Variants in COL24A1 observed in about 807,000 individuals in gnomAD.
COL24A1 encodes collagen type XXIV alpha 1 chain.
Under a neutral mutation model 253.9 loss-of-function variants are expected in COL24A1, and 224 were observed. The observed-to-expected ratio is 0.88, with a 90% CI of 0.79 to 0.99. The LOEUF is 0.99. Among genes scored for constraint, COL24A1 ranks in the 50% least tolerant of loss-of-function variants. The pLI is 0.00. For synonymous variants in COL24A1, 685 were observed against 673.7 expected (o/e 1.02, Z -0.26); for missense variants, 2,131 against 2,068.5 (o/e 1.03, Z -0.59).
At chr1:86,067,118 G>T (rs1701551186) in intron 7 of COL24A1, among the ~76,000 whole-genome samples, 1 of 151,098 alleles carries the variant, frequency 6.6e-6, no homozygotes, top group African/African-American at 2.4e-5. Context: ...TAGCCTGGGT[G>T]ACAGAGCAAG....
rs1171232194 is a variant in COL24A1 at position 85,823,557 on chromosome 1, T to C, written c.3768A>G (p.Leu1256=). The part of the protein sequence containing the change: ...GEPGDQGEQG[L]KGERGSEGNK... ...TTACTTCAGATCCTCTCTCTCCTTT[T>C]AGTCCTTGTTCACCCTGGTCACCTG... Residue 1256 remains leucine (L), a synonymous_variant, in exon 45 of 60, where the codon CTA becomes CTG. Transcript: ENST00000370571. The C allele has an allele frequency of 1.9e-6, 3 of 1,614,012 alleles. No individual in the cohort carries two copies. The highest frequency in any genetic ancestry group is 1.1e-5 in the South Asian group (1 of 91,076).
chr1:85,865,427 G>A (rs1679674072), intron 37 of COL24A1, among the ~76,000 whole-genome samples: 1 of 152,062 alleles, frequency 6.6e-6, no homozygotes, highest in African/African-American at 2.4e-5. Context: ...ACACACATGT[G>A]GTGTTACTAA....
At chr1:85,941,409 T>C (rs1019858249) in intron 24 of COL24A1, among the ~76,000 whole-genome samples, 1 of 152,110 alleles carries the variant, frequency 6.6e-6, no homozygotes, top group Admixed American at 6.5e-5. Context: ...TCTAAAGACA[T>C]GAATTCCAGC....
At chr1:85,798,287 G>A (rs432168) in intron 47 of COL24A1, among the ~76,000 whole-genome samples, 119,531 of 151,350 alleles carry the variant, frequency 0.79, 48,545 homozygotes, top group Non-Finnish European at 0.89. Context: ...CAGATATTTC[G>A]TTTTGTTGCC....
intron 28 of COL24A1, 147 bp from the exon 29 acceptor site, chr1:85,896,556 C>T (rs373947162): frequency 8.3e-5 from 52 of 627,550 alleles, no homozygotes; most frequent in African/African-American, 6.4e-4. Flanking sequence ...AGTGCAGTGG[C>T]GCGTCTCGGC....
At chr1:85,908,029 G>C (rs1439815366) in intron 27 of COL24A1, among the ~76,000 whole-genome samples, 2 of 151,676 alleles carry the variant, frequency 1.3e-5, no homozygotes, top group Admixed American at 1.3e-4. Context: ...AATAATAAAA[G>C]TCTTCACTGA....
chr1:86,145,824 C>T (rs575686404), intron 2 of COL24A1, among the ~76,000 whole-genome samples: 4 of 152,106 alleles, frequency 2.6e-5, no homozygotes, highest in African/African-American at 4.8e-5. Context: ...CCCAAGAACT[C>T]CCACTTAAAA....
chr1:85,824,719 G>C (rs75300563), intron 43 of COL24A1, among the ~76,000 whole-genome samples: 1 of 152,104 alleles, frequency 6.6e-6, no homozygotes, highest in African/African-American at 2.4e-5. Flanking sequence ...CCAGAAGCGT[G>C]TCAGATGAGA....
rs139787428 is a variant in COL24A1, at chr1:85,799,211, A to AAAAGAAAGAAAGAAAGAAAGAAAG, written c.3952-12774_3952-12751dup. Among the ~76,000 whole-genome samples the AAAAGAAAGAAAGAAAGAAAGAAAG allele has an allele frequency of 2.1e-3, 289 of 137,600 alleles. 5 individuals carry two copies. The highest frequency in any genetic ancestry group is 0.011 in the South Asian group (46 of 4,190). 90.3% of individuals were successfully genotyped at this position (137,600 alleles called of 152,430 possible). On this transcript the variant is annotated intron_variant, in intron 47 of 59. Transcript: ENST00000370571. ...GAATTCTTTAATTCCTTGGCCACAT[A>AAAAGAAAGAAAGAAAGAAAGAAAG]AAAGAAAGAAAGAAAGAAAGAAAGA...
At chr1:85,955,240 C>T (rs1690321657) in intron 24 of COL24A1, among the ~76,000 whole-genome samples, 1 of 152,190 alleles carries the variant, frequency 6.6e-6, no homozygotes, top group Non-Finnish European at 1.5e-5. Context: ...TGGCCTGACT[C>T]CAGGGGAAGA....
chr1:85,959,391 C>T (rs1012282130), intron 24 of COL24A1, among the ~76,000 whole-genome samples: 6 of 152,036 alleles, frequency 3.9e-5, no homozygotes, highest in African/African-American at 1.4e-4. Flanking sequence ...AGACTCTCTA[C>T]AACATTTATA....
At chr1:85,874,732 T>A (rs562768736) in intron 34 of COL24A1, 30 bp from the exon 35 acceptor site, 1 of 1,609,354 alleles carries the variant, frequency 6.2e-7, no homozygotes, top group Admixed American at 1.7e-5. Context: ...GATTAAACTC[T>A]TTTCTACTAA....
At chr1:85,925,461 T>C (rs539513323) in intron 24 of COL24A1, among the ~76,000 whole-genome samples, 1 of 151,972 alleles carries the variant, frequency 6.6e-6, no homozygotes, top group South Asian at 2.1e-4. Context: ...CATGGTACTG[T>C]TACCAAAACA....
Position 85,970,273 on chromosome 1 carries a change from T to TA in COL24A1, c.2419-3_2419-2insT. The TA allele has an allele frequency of 1.3e-6, 2 of 1,580,484 alleles. No homozygotes were observed. The highest frequency in any genetic ancestry group is 1.2e-5 in the South Asian group (1 of 84,006). On this transcript the variant is annotated splice_polypyrimidine_tract_variant and splice_region_variant and intron_variant, in intron 21 of 59. Coordinates refer to ENST00000370571, the MANE Select transcript of COL24A1 (RefSeq NM_152890.7). ...GGCTCCAATTGGTCCTTCTTCTCCC[T>TA]TAAAAAAAAAAAAAGTCAGAACATA...
intron 24 of COL24A1, among the ~76,000 whole-genome samples, chr1:85,936,462 T>C (rs1243330364): frequency 1.4e-5 from 2 of 147,272 alleles, no homozygotes; most frequent in African/African-American, 5.0e-5. Context: ...ATCTCGTCAG[T>C]ATGTACTGGT....
chr1:85,925,392 T>C (rs956042387), intron 24 of COL24A1, among the ~76,000 whole-genome samples: 4 of 152,230 alleles, frequency 2.6e-5, no homozygotes, highest in African/African-American at 9.6e-5. Flanking sequence ...AGAACAAAGC[T>C]GGAGGCATCA....
chr1:85,837,392 A>G (rs1283061477), intron 43 of COL24A1, among the ~76,000 whole-genome samples: 1 of 152,232 alleles, frequency 6.6e-6, no homozygotes, highest in Admixed American at 6.5e-5. Flanking sequence ...CAACTTATTA[A>G]TGATAGTTAT....
At chr1:86,057,581 C>T (rs1486843066) in intron 10 of COL24A1, among the ~76,000 whole-genome samples, 1 of 152,108 alleles carries the variant, frequency 6.6e-6, no homozygotes, top group Non-Finnish European at 1.5e-5. Context: ...TGATCTCAGC[C>T]TTGAACTACT....
chr1:86,156,440 A>T lies in COL24A1; in HGVS notation c.-44T>A. 1 of 1,594,300 alleles carries T rather than the reference A, an allele frequency of 6.3e-7. No homozygotes were observed. The highest frequency in any genetic ancestry group is 1.7e-4 in the Middle Eastern group (1 of 5,974). On this transcript the variant is annotated 5_prime_UTR_variant, in exon 1 of 60. Transcript: ENST00000370571. ...GCAGCAAAGCGCTAACGGAAAACAG[A>T]AGCCAACTCTGAACTGCTTAGGGTG...
Sources: allele counts gnomAD v4.1 joint callset (sites outside exome capture counted in the v4.1 genomes callset), GRCh38; gene constraint gnomAD v4.1.1; transcripts MANE v1.5; gene names NCBI Gene and HGNC (gene_info 2026-07-23, HGNC 2026-07-21).